The following CNTN5 variants were observed in gnomAD, a reference collection of about 807,000 sequenced individuals.
CNTN5 encodes contactin-5.
Under a neutral mutation model 129.1 loss-of-function variants are expected in CNTN5, and 77 were observed. The observed-to-expected ratio is 0.60, with a 90% CI of 0.50 to 0.72. The LOEUF (loss-of-function observed/expected upper bound fraction) is 0.72. CNTN5 is among the 30% of genes least tolerant of loss of function. CNTN5 has a pLI of 0.00. For synonymous variants in CNTN5, 509 were observed against 465.6 expected (o/e 1.09, Z -1.20); for missense variants, 1,478 against 1,328.8 (o/e 1.11, Z -1.75).
chr11:99,789,210 T>G (rs1360741640), intron 3 of CNTN5, among the ~76,000 whole-genome samples: 1 of 151,952 alleles, frequency 6.6e-6, no homozygotes, highest in African/African-American at 2.4e-5. Flanking sequence ...TATGAAACAA[T>G]TTGTAGACTT....
intron 1 of CNTN5, among the ~76,000 whole-genome samples, chr11:99,191,238 G>A (rs1388076987): frequency 6.6e-6 from 1 of 151,710 alleles, no homozygotes; most frequent in Non-Finnish European, 1.5e-5. Flanking sequence ...TAAATTCAGT[G>A]AGATAGTATT....
chr11:100,048,149 A>T (rs1241870378), intron 9 of CNTN5, among the ~76,000 whole-genome samples: 1 of 152,092 alleles, frequency 6.6e-6, no homozygotes, highest in Non-Finnish European at 1.5e-5. Context: ...AATAAAAAGA[A>T]GGTTGAATTT....
chr11:99,361,927 T>C (rs1306627022), intron 2 of CNTN5, among the ~76,000 whole-genome samples: 2 of 152,156 alleles, frequency 1.3e-5, no homozygotes, highest in East Asian at 1.9e-4. Context: ...TTTTGCCTAT[T>C]ATGAATAACA....
chr11:99,574,581 A>G (rs2135587617), intron 3 of CNTN5, among the ~76,000 whole-genome samples: 1 of 152,218 alleles, frequency 6.6e-6, no homozygotes, highest in East Asian at 1.9e-4. Flanking sequence ...GTGTTTCTTG[A>G]CTTTTTCATG....
At chr11:99,542,893 C>T (rs1948163144) in intron 2 of CNTN5, among the ~76,000 whole-genome samples, 1 of 152,216 alleles carries the variant, frequency 6.6e-6, no homozygotes, top group Non-Finnish European at 1.5e-5. Context: ...CAGCTCACTG[C>T]TCCCTTTGCA....
intron 3 of CNTN5, among the ~76,000 whole-genome samples, chr11:99,683,985 A>T (rs2134733930): frequency 6.6e-6 from 1 of 151,846 alleles, no homozygotes; most frequent in African/African-American, 2.4e-5. Flanking sequence ...CTTCTAGCAA[A>T]TTTCAAATAT....
chr11:99,956,778 T>C (rs751262157), intron 7 of CNTN5, 28 bp from the exon 8 acceptor site: 18 of 1,590,180 alleles, frequency 1.1e-5, no homozygotes, highest in Middle Eastern at 1.7e-4. Context: ...TCAAAGTCTT[T>C]CGTTGACCAA....
At chr11:99,629,735 G>A (rs144943056) in intron 3 of CNTN5, among the ~76,000 whole-genome samples, 3 of 151,640 alleles carry the variant, frequency 2.0e-5, no homozygotes, top group African/African-American at 7.3e-5. Context: ...CCTATTGCTA[G>A]GTTCCGTAAA....
At chr11:99,554,829 T>C (rs1948613686) in intron 2 of CNTN5, among the ~76,000 whole-genome samples, 2 of 152,096 alleles carry the variant, frequency 1.3e-5, no homozygotes. Flanking sequence ...AAGCAGTGTA[T>C]AAATAACCAA....
intron 2 of CNTN5, among the ~76,000 whole-genome samples, chr11:99,507,293 C>T (rs1442039860): frequency 6.8e-6 from 1 of 146,506 alleles, no homozygotes; most frequent in African/African-American, 2.5e-5. Context: ...AGGAGAATCG[C>T]TTGAACCCGG....
chr11:99,164,733 T>C (rs1014832199), intron 1 of CNTN5, among the ~76,000 whole-genome samples: 9 of 152,222 alleles, frequency 5.9e-5, no homozygotes, highest in Non-Finnish European at 1.3e-4. Flanking sequence ...AATTGGATAA[T>C]TGTCATTTTT....
intron 13 of CNTN5, among the ~76,000 whole-genome samples, chr11:100,176,712 T>A (rs1947977819): frequency 6.6e-6 from 1 of 151,812 alleles, no homozygotes; most frequent in African/African-American, 2.4e-5. Context: ...ATTTAGAGAG[T>A]GAGCAAGAGA....
At chr11:99,123,298 GT>G (rs1376220008) in intron 1 of CNTN5, among the ~76,000 whole-genome samples, 1 of 151,928 alleles carries the variant, frequency 6.6e-6, no homozygotes, top group African/African-American at 2.4e-5. Flanking sequence ...CTGATGACTA[GT>G]GATGTTGAAC....
chr11:100,321,460 C>T (rs1951695576), intron 21 of CNTN5, among the ~76,000 whole-genome samples: 1 of 151,990 alleles, frequency 6.6e-6, no homozygotes, highest in Admixed American at 6.6e-5. Context: ...TTGGCAAAGT[C>T]ATCAGGGTTT....
chr11:99,831,691 A>G (rs1484615121), intron 4 of CNTN5, among the ~76,000 whole-genome samples: 1 of 152,116 alleles, frequency 6.6e-6, no homozygotes, highest in Non-Finnish European at 1.5e-5. Context: ...GGTCATCATC[A>G]GTTGTCTTAT....
chr11:99,722,817 T>A (rs1351217544), intron 3 of CNTN5, among the ~76,000 whole-genome samples: 1 of 151,964 alleles, frequency 6.6e-6, no homozygotes, highest in African/African-American at 2.4e-5. Context: ...ATATGGGTTA[T>A]ATATTATGTA....
chr11:99,965,678 G>A (rs1951075032), intron 8 of CNTN5, among the ~76,000 whole-genome samples: 1 of 152,098 alleles, frequency 6.6e-6, no homozygotes. Flanking sequence ...TATTAGGTCT[G>A]CTTGGTGCAG....
At chr11:99,699,830 A>AT (rs1954440601) in intron 3 of CNTN5, among the ~76,000 whole-genome samples, 1 of 151,260 alleles carries the variant, frequency 6.6e-6, no homozygotes, top group African/African-American at 2.4e-5. Context: ...TAGCTACTTT[A>AT]TTTCTGCTAA....
intron 2 of CNTN5, among the ~76,000 whole-genome samples, chr11:99,534,006 A>C (rs1046056799): frequency 2.0e-5 from 3 of 152,196 alleles, no homozygotes; most frequent in African/African-American, 7.2e-5. Context: ...TTAATGCAAC[A>C]ATTCTGTTAA....
Sources: allele counts gnomAD v4.1 joint callset (sites outside exome capture counted in the v4.1 genomes callset), GRCh38; gene constraint gnomAD v4.1.1; transcripts MANE v1.5; gene names NCBI Gene and HGNC (gene_info 2026-07-23, HGNC 2026-07-21).